The following RGS17 variants were observed in gnomAD, a reference collection of about 807,000 sequenced individuals.
RGS17 encodes regulator of G protein signaling 17.
Under a neutral mutation model 25.5 loss-of-function variants are expected in RGS17, and 12 were observed. The ratio of observed to expected loss-of-function variants is 0.47; its 90% CI spans 0.30 to 0.76. The LOEUF (loss-of-function observed/expected upper bound fraction) is 0.76, where lower values mean the gene tolerates loss of function less well. Ranked by LOEUF, RGS17 falls within the 30% of genes least tolerant of loss-of-function variation. RGS17 has a pLI of 0.07. For synonymous variants in RGS17, 71 were observed against 76.9 expected, an observed-to-expected ratio of 0.92 and a Z score of 0.40; for missense variants, 196 against 242.2, an observed-to-expected ratio of 0.81 and a Z score of 1.27.
chr6:153,019,091 T>G (rs1779213074), intron 4 of RGS17, among the ~76,000 whole-genome samples: 1 of 152,204 alleles, frequency 6.6e-6, no homozygotes, highest in African/African-American at 2.4e-5. Context: ...ACAATTACCA[T>G]TCCCCAGAGC....
At chr6:153,036,062 GTTTTA>G (rs1469520493) in intron 2 of RGS17, among the ~76,000 whole-genome samples, 1 of 151,986 alleles carries the variant, frequency 6.6e-6, no homozygotes, top group South Asian at 2.1e-4. Context: ...CCCTTGCTGT[GTTTTA>G]TTTTATTTTT....
At chr6:153,034,790 C>T (rs1373000684) in intron 2 of RGS17, among the ~76,000 whole-genome samples, 1 of 152,206 alleles carries the variant, frequency 6.6e-6, no homozygotes, top group African/African-American at 2.4e-5. Flanking sequence ...GAACGAAACA[C>T]ATGAAGTTAC....
intron 2 of RGS17, among the ~76,000 whole-genome samples, chr6:153,035,261 CATATTA>C (rs1776224878): frequency 6.6e-6 from 1 of 151,742 alleles, no homozygotes; most frequent in Non-Finnish European, 1.5e-5. Context: ...TAATATGTAA[CATATTA>C]ATGTCTGAAA....
intron 1 of RGS17, among the ~76,000 whole-genome samples, chr6:153,094,400 T>C (rs1418462583): frequency 6.6e-6 from 1 of 152,182 alleles, no homozygotes; most frequent in Non-Finnish European, 1.5e-5. Flanking sequence ...CTTTAAATGA[T>C]ATGCATTTAA....
chr6:153,058,799 C>G (rs956690065), intron 1 of RGS17, among the ~76,000 whole-genome samples: 2 of 152,132 alleles, frequency 1.3e-5, no homozygotes, highest in Non-Finnish European at 2.9e-5. Flanking sequence ...TGCAACTGAG[C>G]AAGCTTTCAA....
At chr6:153,089,552 T>C (rs996884637) in intron 1 of RGS17, among the ~76,000 whole-genome samples, 1 of 152,090 alleles carries the variant, frequency 6.6e-6, no homozygotes, top group African/African-American at 2.4e-5. Context: ...GAAAATGATA[T>C]TTAGAAAATC....
Position 153,042,242 on chromosome 6 carries a change from TGA to T in RGS17, c.119+1656_119+1657del, listed in dbSNP as rs200946922. Among the ~76,000 whole-genome samples, 601 of 152,338 alleles carry T rather than the reference TGA, an allele frequency of 3.9e-3. 13 individuals are homozygous for T. Among genetic ancestry groups the T allele is most frequent in the Admixed American group, 0.028 (431 of 15,294 alleles). On this transcript the variant is annotated intron_variant, in intron 2 of 4. Transcript: ENST00000206262. ...ATCTTAAATTATTAAGGCTTAATAATGAAAGGAAACAAATTATGTATATGATA... is the reference window on the plus strand; with the variant it reads ...ATCTTAAATTATTAAGGCTTAATAATAAGGAAACAAATTATGTATATGATA...
chr6:153,129,440 A>AT (rs1205858858), intron 1 of RGS17, among the ~76,000 whole-genome samples: 1 of 152,252 alleles, frequency 6.6e-6, no homozygotes, highest in Non-Finnish European at 1.5e-5. Context: ...TGTACTTTAA[A>AT]TGTTTCACGG....
intron 1 of RGS17, among the ~76,000 whole-genome samples, chr6:153,106,189 A>G (rs1428817268): frequency 6.6e-6 from 1 of 152,010 alleles, no homozygotes; most frequent in African/African-American, 2.4e-5. Flanking sequence ...GAAAGGGGTT[A>G]CTCATAGAGA....
chr6:153,111,555 G>A (rs1290710321), intron 1 of RGS17, among the ~76,000 whole-genome samples: 2 of 152,224 alleles, frequency 1.3e-5, no homozygotes, highest in Admixed American at 1.3e-4. Context: ...GCTCTGAAGA[G>A]AGCAGCAGAT....
intron 1 of RGS17, among the ~76,000 whole-genome samples, chr6:153,063,115 G>A (rs1469833955): frequency 6.6e-6 from 1 of 152,132 alleles, no homozygotes; most frequent in Non-Finnish European, 1.5e-5. Flanking sequence ...AGGAGCCCAG[G>A]CAGTGACGAC....
intron 1 of RGS17, among the ~76,000 whole-genome samples, chr6:153,067,498 AT>A (rs1459372666): frequency 6.6e-6 from 1 of 152,212 alleles, no homozygotes; most frequent in African/African-American, 2.4e-5. Flanking sequence ...AATCAGTAGC[AT>A]TTCTACATGC....
At chr6:153,095,742 T>C (rs967111282) in intron 1 of RGS17, among the ~76,000 whole-genome samples, 4 of 152,204 alleles carry the variant, frequency 2.6e-5, no homozygotes, top group Non-Finnish European at 2.9e-5. Flanking sequence ...AAAGGACGCA[T>C]AAATCTCTGT....
intron 1 of RGS17, among the ~76,000 whole-genome samples, chr6:153,069,030 T>C (rs1776745984): frequency 6.6e-6 from 1 of 152,112 alleles, no homozygotes; most frequent in African/African-American, 2.4e-5. Flanking sequence ...ACAACCACTA[T>C]GGAGAAGAGT....
At chr6:153,104,176 A>T (rs1453603068) in intron 1 of RGS17, among the ~76,000 whole-genome samples, 2 of 152,268 alleles carry the variant, frequency 1.3e-5, no homozygotes, top group Non-Finnish European at 2.9e-5. Flanking sequence ...TTTGACGATT[A>T]TGTTCAAACT....
At chr6:153,028,978 G>A (rs1465070866) in intron 2 of RGS17, among the ~76,000 whole-genome samples, 2 of 152,158 alleles carry the variant, frequency 1.3e-5, no homozygotes, top group Non-Finnish European at 2.9e-5. Context: ...CATGAATCAC[G>A]AGTTTCTGAA....
At chr6:153,032,243 A>G (rs908504413) in intron 2 of RGS17, among the ~76,000 whole-genome samples, 9 of 152,262 alleles carry the variant, frequency 5.9e-5, no homozygotes, top group Middle Eastern at 3.4e-3. Flanking sequence ...CATTTTTATA[A>G]TAGAGTATGG....
rs1370916447 is a variant in RGS17 at position 153,008,838 on chromosome 6, A to C, written c.*2736T>G. On this transcript the variant is annotated 3_prime_UTR_variant, in exon 5 of 5. Coordinates refer to ENST00000206262, the MANE Select transcript of RGS17 (RefSeq NM_012419.5). ...TTGAAGGCTCTTTTGTTTATTTATA[A>C]TAGCTCTGTAACTTAAACAGAAGGA... 1 of 152,200 alleles carries C rather than the reference A, an allele frequency of 6.6e-6. No homozygotes were observed. Among genetic ancestry groups the C allele is most frequent in the African/African-American group, 2.4e-5 (1 of 41,460 alleles). 9.4% of individuals were successfully genotyped at this position (152,200 alleles called of 1,614,324 possible). A position where few individuals can be genotyped will look rare whatever the true frequency, so the allele number is the denominator to read the frequency against.
intron 4 of RGS17, among the ~76,000 whole-genome samples, chr6:153,012,751 A>G (rs1276448426): frequency 6.6e-6 from 1 of 152,212 alleles, no homozygotes; most frequent in Non-Finnish European, 1.5e-5. Flanking sequence ...TTCATGACAT[A>G]TTCACATAAA....
Sources: gnomAD v4.1 joint callset for allele counts (sites outside exome capture counted in the v4.1 genomes callset) on GRCh38, gnomAD v4.1.1 for gene constraint, MANE v1.5 for transcripts, NCBI Gene and HGNC (gene_info 2026-07-23, HGNC 2026-07-21) for gene names.